Variants in PEX19 observed in about 807,000 individuals in gnomAD.
The protein encoded by PEX19 is peroxisomal biogenesis factor 19, also known as 33 kDa housekeeping protein.
A neutral mutation model predicts 36.3 loss-of-function variants in PEX19; 29 were observed. The observed-to-expected ratio is 0.80, with a 90% CI of 0.60 to 1.09. PEX19 has a LOEUF of 1.09. Among genes scored for constraint, PEX19 ranks in the 50% least tolerant of loss-of-function variants. The probability of loss-of-function intolerance (pLI) is 0.00; values close to 1 mark genes in which losing one functional copy is unlikely to be tolerated. For missense variants in PEX19, 396 were observed against 368.1 expected, an observed-to-expected ratio of 1.08 and a Z score of -0.62; for synonymous variants, 141 against 135.2, an observed-to-expected ratio of 1.04 and a Z score of -0.30.
At chr1:160,282,662 T>C (rs1434342739) in intron 3 of PEX19, 160 bp from the exon 4 acceptor site, 1 of 721,740 alleles carries the variant, frequency 1.4e-6, no homozygotes, top group Non-Finnish European at 2.5e-6. Context: ...CATAAATCTA[T>C]TTAGTACACG....
In PEX19 at chr1:160,277,085, G is replaced by A. The variant is rs1232163831; in HGVS notation, c.*2466C>T. ...CTCTGGAAGTGAAACTCAAATAGGAGAGAACAAGAGATACAGGTAGGTATC... is the reference window on the plus strand; with the variant it reads ...CTCTGGAAGTGAAACTCAAATAGGAAAGAACAAGAGATACAGGTAGGTATC... On this transcript the variant is annotated 3_prime_UTR_variant, in exon 8 of 8. Coordinates refer to ENST00000368072, the MANE Select transcript of PEX19 (RefSeq NM_002857.4). The A allele has an allele frequency of 4.4e-6, 2 of 454,032 alleles. No homozygotes were observed. The highest frequency in any genetic ancestry group is 4.7e-5 in the Admixed American group (2 of 42,556). The allele number at this position is 454,032 out of a possible 1,614,324, so 28.1% of individuals were successfully genotyped here.
In PEX19 at chr1:160,276,954, T is replaced by C. The variant is rs188849322; in HGVS notation, c.*2597A>G. 312 of 454,116 alleles carry C rather than the reference T, an allele frequency of 6.9e-4. 1 individual carries two copies. The highest frequency in any genetic ancestry group is 5.5e-3 in the African/African-American group (278 of 50,124). 28.1% of individuals were successfully genotyped at this position (454,116 alleles called of 1,614,324 possible). The stretch of plus-strand genomic sequence containing the variant: ...GTCGCATAAATATTTCATATACAGC[T>C]TAAACCTAAGCTTTGTAACGATTAT... On this transcript the variant is annotated 3_prime_UTR_variant, in exon 8 of 8. Coordinates refer to ENST00000368072, the MANE Select transcript of PEX19 (RefSeq NM_002857.4).
rs1038819155 is a variant in PEX19 at position 160,278,036 on chromosome 1, G to C, written c.*1515C>G. On this transcript the variant is annotated 3_prime_UTR_variant, in exon 8 of 8. Transcript: ENST00000368072. Reference sequence around the variant, plus strand: ...CCTCGGGGCAAGTGACATGTCAGAAGCTCAAAGCGACTCATAATGCATGTG... The same window carrying C: ...CCTCGGGGCAAGTGACATGTCAGAACCTCAAAGCGACTCATAATGCATGTG... 14 of 701,390 alleles carry C rather than the reference G, an allele frequency of 2.0e-5. No homozygotes were observed. Among genetic ancestry groups the C allele is most frequent in the African/African-American group, 5.2e-5 (3 of 57,156 alleles). 43.4% of individuals were successfully genotyped at this position (701,390 alleles called of 1,614,324 possible).
At position 160,277,008 on chromosome 1, in the gene PEX19, G is replaced by C. The variant is rs986821541; in HGVS notation, c.*2543C>G. 4 of 454,080 alleles carry C rather than the reference G, an allele frequency of 8.8e-6. No individual in the cohort carries two copies. Among genetic ancestry groups the C allele is most frequent in the Non-Finnish European group, 1.8e-5 (4 of 226,788 alleles). The allele number at this position is 454,080 out of a possible 1,614,324, so 28.1% of individuals were successfully genotyped here. ...TGAGCAGCAGAAAAGGAAGGCTAGA[G>C]AAATGCTAGAGATGTCCTTACTAGT... On this transcript the variant is annotated 3_prime_UTR_variant, in exon 8 of 8. Transcript: ENST00000368072.
rs752761006 is a variant in PEX19, at chr1:160,279,539, A to G, written c.*12T>C. 1 of 1,609,312 alleles carries G rather than the reference A, an allele frequency of 6.2e-7. No individual in the cohort carries two copies. The highest frequency in any genetic ancestry group is 8.5e-7 in the Non-Finnish European group (1 of 1,175,532). ...CCATAGCTGGGACTCAGAGAGGAAA[A>G]CGTGTTGTGTTTCACATGATCAGAC... is the stretch of plus-strand genomic sequence containing the variant. On this transcript the variant is annotated 3_prime_UTR_variant, in exon 8 of 8. Coordinates refer to ENST00000368072, the MANE Select transcript of PEX19 (RefSeq NM_002857.4).
Position 160,278,159 on chromosome 1 carries a change from C to G in PEX19, c.*1392G>C, listed in dbSNP as rs1465603652. 1.4e-6 allele frequency: 1 copy of G among 702,392 alleles called. No homozygotes were observed. Among genetic ancestry groups the G allele is most frequent in the East Asian group, 2.7e-5 (1 of 37,290 alleles). 43.5% of individuals were successfully genotyped at this position (702,392 alleles called of 1,614,324 possible). The stretch of plus-strand genomic sequence containing the variant: ...CATATGTCAGCCAAGGTCCGTAGAC[C>G]CACTGGGAGCCACAGAAAAAAAGCC... On this transcript the variant is annotated 3_prime_UTR_variant, in exon 8 of 8. Transcript: ENST00000368072.
rs1405573106 is a variant in PEX19 at position 160,282,484 on chromosome 1, T to C, written c.365A>G (p.Gln122Arg). The stretch of plus-strand genomic sequence containing the variant: ...CTTTAGGCAAGAAGTGAATTCTTGT[T>C]GGGAGGTCATATCACTGCCTAGGAG... ...AGRVGSDMTS[Q>R]QEFTSCLKET... Residue 122 changes from glutamine (Q) to arginine (R), a missense_variant, in exon 4 of 8, where the codon CAA becomes CGA. Physicochemically the swap from Gln to Arg is conservative, Grantham distance 43. Transcript: ENST00000368072. The C allele has an allele frequency of 6.2e-6, 10 of 1,613,834 alleles. No individual in the cohort carries two copies. In the Middle Eastern group the frequency reaches 4.9e-4, roughly 80 times the overall value.
rs754510943 is a variant in PEX19, at chr1:160,279,593, C to T, written c.858G>A (p.Ser286=). 2.0e-5 allele frequency: 32 copies of T among 1,614,014 alleles called. No homozygotes were observed. The highest frequency in any genetic ancestry group is 2.7e-5 in the African/African-American group (2 of 74,890). Residue 286 remains serine, a synonymous_variant, in exon 8 of 8, where the codon TCG becomes TCA. Coordinates refer to ENST00000368072, the MANE Select transcript of PEX19 (RefSeq NM_002857.4). ...LNFDLDALNL[S]GPPGASGEQC... Reference sequence around the variant, plus strand: ...GTTCACCACTGGCACCTGGTGGGCCCGAAAGATTGAGGGCATCCAGGTCAA... The same window carrying T: ...GTTCACCACTGGCACCTGGTGGGCCTGAAAGATTGAGGGCATCCAGGTCAA...
rs973652462 is a variant in PEX19 at position 160,276,945 on chromosome 1, A to C, written c.*2606T>G. ...AGTTTGAGAGTCGCATAAATATTTC[A>C]TATACAGCTTAAACCTAAGCTTTGT... On this transcript the variant is annotated 3_prime_UTR_variant, in exon 8 of 8. Coordinates refer to ENST00000368072, the MANE Select transcript of PEX19 (RefSeq NM_002857.4). The C allele has an allele frequency of 2.2e-6, 1 of 454,058 alleles. No homozygotes were observed. The allele number at this position is 454,058 out of a possible 1,614,324, so 28.1% of individuals were successfully genotyped here.
intron 4 of PEX19, 104 bp downstream of exon 4, chr1:160,282,313 A>T: frequency 7.0e-7 from 1 of 1,427,212 alleles, no homozygotes; most frequent in Non-Finnish European, 9.9e-7. Flanking sequence ...ACAATAAGAC[A>T]GCAACAGACT....
rs1571135887 is a variant in PEX19 at position 160,280,175 on chromosome 1, G to A, written c.666C>T (p.His222=). 8 of 1,613,946 alleles carry A rather than the reference G, an allele frequency of 5.0e-6. No individual in the cohort carries two copies. In the East Asian group the frequency reaches 1.8e-4, roughly 36 times the overall value. The change falls in exon 6 of 8, where the codon CAC becomes CAT. Residue 222 remains histidine, a synonymous_variant. Coordinates refer to ENST00000368072, the MANE Select transcript of PEX19 (RefSeq NM_002857.4). ...GCTCACATATTTTGCACATGACGCT[G>A]TGCTGCTCCTGATATTTTTCAAACT... ...PEQFEKYQEQ[H]SVMCKICEQF...
rs765632663 is a variant in PEX19 at position 160,279,066 on chromosome 1, C to T, written c.*485G>A. 1.3e-5 allele frequency: 6 copies of T among 454,482 alleles called. No homozygotes were observed. The highest frequency in any genetic ancestry group is 9.3e-5 in the South Asian group (6 of 64,478). 28.2% of individuals were successfully genotyped at this position (454,482 alleles called of 1,614,324 possible). A position where few individuals can be genotyped will look rare whatever the true frequency, so the allele number is the denominator to read the frequency against. On this transcript the variant is annotated 3_prime_UTR_variant, in exon 8 of 8. Transcript: ENST00000368072. ...AAGGCAAGAGAGCATAGTGACAGAC[C>T]TGTAGCCCCAGCCCAGGCTGTTTCT...
Position 160,278,584 on chromosome 1 carries a change from G to A in PEX19, c.*967C>T, listed in dbSNP as rs1440504316. The stretch of plus-strand genomic sequence containing the variant: ...TTCCAAGCTACTTTCCTGAACCAAG[G>A]GACAGGATTCTAAGAGAATCATGTA... On this transcript the variant is annotated 3_prime_UTR_variant, in exon 8 of 8. Transcript: ENST00000368072. 1 of 457,510 alleles carries A rather than the reference G, an allele frequency of 2.2e-6. No individual in the cohort carries two copies. Among genetic ancestry groups the A allele is most frequent in the East Asian group, 6.9e-5 (1 of 14,540 alleles). 28.3% of individuals were successfully genotyped at this position (457,510 alleles called of 1,614,324 possible).
chr1:160,283,338 A>G (rs569787834), intron 2 of PEX19, among the ~76,000 whole-genome samples, 192 bp downstream of exon 2: 2 of 152,284 alleles, frequency 1.3e-5, no homozygotes, highest in East Asian at 3.9e-4. Context: ...CTATTTTTTC[A>G]AGGAACTCTG....
intron 1 of PEX19, 129 bp from the exon 2 acceptor site, chr1:160,283,768 T>A (rs973990456): frequency 2.8e-5 from 21 of 754,156 alleles, no homozygotes; most frequent in Non-Finnish European, 4.4e-5. Flanking sequence ...TTTTCCTCCT[T>A]GAGTCCCCCA....
intron 1 of PEX19, 52 bp from the exon 2 acceptor site, chr1:160,283,691 G>T: frequency 7.3e-7 from 1 of 1,377,980 alleles, no homozygotes; most frequent in Non-Finnish European, 1.0e-6. Flanking sequence ...GAGAATGCAA[G>T]CAAGGCTGGG....
Position 160,278,467 on chromosome 1 carries a change from A to G in PEX19, c.*1084T>C, listed in dbSNP as rs77962224. The stretch of plus-strand genomic sequence containing the variant: ...ACTTACGGAAGCTGAGGAAGATCAG[A>G]AAAAGACCACACTCCTCACTCAGAA... On this transcript the variant is annotated 3_prime_UTR_variant, in exon 8 of 8. Transcript: ENST00000368072. The G allele has an allele frequency of 0.011, 5,937 of 547,246 alleles. 278 individuals carry two copies. Among genetic ancestry groups the G allele is most frequent in the African/African-American group, 0.099 (5,305 of 53,436 alleles). 33.9% of individuals were successfully genotyped at this position (547,246 alleles called of 1,614,324 possible). A position where few individuals can be genotyped will look rare whatever the true frequency, so the allele number is the denominator to read the frequency against.
Position 160,277,609 on chromosome 1 carries a change from G to A in PEX19, c.*1942C>T, listed in dbSNP as rs1446893507. On this transcript the variant is annotated 3_prime_UTR_variant, in exon 8 of 8. Coordinates refer to ENST00000368072, the MANE Select transcript of PEX19 (RefSeq NM_002857.4). The stretch of plus-strand genomic sequence containing the variant: ...TAAAAATGAGTGCCTTGGGAACAAA[G>A]ATAAAGTGGACTAGGGCATCTATTT... 1 of 454,230 alleles carries A rather than the reference G, an allele frequency of 2.2e-6. No homozygotes were observed. Among genetic ancestry groups the A allele is most frequent in the Admixed American group, 2.3e-5 (1 of 42,588 alleles). 28.1% of individuals were successfully genotyped at this position (454,230 alleles called of 1,614,324 possible).
Position 160,277,410 on chromosome 1 carries a change from A to G in PEX19, c.*2141T>C, listed in dbSNP as rs1379816503. ...TACCTGTCATGGGCAATAGGAATGCATATTGATAAGTGAAGGACTGGAAAA... is the reference window on the plus strand; with the variant it reads ...TACCTGTCATGGGCAATAGGAATGCGTATTGATAAGTGAAGGACTGGAAAA... On this transcript the variant is annotated 3_prime_UTR_variant, in exon 8 of 8. Coordinates refer to ENST00000368072, the MANE Select transcript of PEX19 (RefSeq NM_002857.4). The G allele has an allele frequency of 2.2e-6, 1 of 456,148 alleles. No individual in the cohort carries two copies. Among genetic ancestry groups the G allele is most frequent in the East Asian group, 6.9e-5 (1 of 14,404 alleles). 28.3% of individuals were successfully genotyped at this position (456,148 alleles called of 1,614,324 possible). A position where few individuals can be genotyped will look rare whatever the true frequency, so the allele number is the denominator to read the frequency against.
Sources: gnomAD v4.1 joint callset for allele counts (sites outside exome capture counted in the v4.1 genomes callset) on GRCh38, gnomAD v4.1.1 for gene constraint, MANE v1.5 for transcripts, NCBI Gene and HGNC (gene_info 2026-07-23, HGNC 2026-07-21) for gene names.